MEP1A: variants seen among roughly 807,000 people sequenced by gnomAD.
MEP1A encodes the protein meprin A subunit alpha.
A neutral mutation model predicts 84.5 loss-of-function variants in MEP1A; 68 were observed. The ratio of observed to expected loss-of-function variants is 0.80; its 90% CI spans 0.66 to 0.98. MEP1A has a LOEUF of 0.98. MEP1A is among the 50% of genes least tolerant of loss of function. The probability of loss-of-function intolerance (pLI) is 0.00; values close to 1 mark genes in which losing one functional copy is unlikely to be tolerated. For synonymous variants in MEP1A, 337 were observed against 336.8 expected (o/e 1.00, Z -0.01); for missense variants, 887 against 919.9 (o/e 0.96, Z 0.46).
chr6:46,802,851 T>A (rs1767224627), intron 5 of MEP1A, among the ~76,000 whole-genome samples: 2 of 151,896 alleles, frequency 1.3e-5, no homozygotes, highest in South Asian at 4.1e-4. Context: ...AAATCAACTT[T>A]GCATTTCTCA....
chr6:46,826,160 TAGGTAGGGCTGTGTCTATATATTAG>T (rs1767940055), intron 8 of MEP1A, among the ~76,000 whole-genome samples, 169 bp from the exon 9 acceptor site: 1 of 152,066 alleles, frequency 6.6e-6, no homozygotes, highest in African/African-American at 2.4e-5. Context: ...CTCTGTGAGG[TAGGTAGGGCTGTGTCTATATATTAG>T]CAAGTACTAA....
Position 46,809,513 on chromosome 6 carries a change from A to G in MEP1A, c.356A>G (p.Tyr119Cys), listed in dbSNP as rs201337509. ...AAGCCCTATGAAGGAGAGAGCTCAT[A>G]TATCATATTTCAACAGTTTGATGGG... ...DFKPYEGESSYIIFQQFDGCW... is the reference protein window; with the variant it reads ...DFKPYEGESSCIIFQQFDGCW... Residue 119 changes from tyrosine (Y) to cysteine (C), a missense_variant, in exon 6 of 14, where the codon TAT becomes TGT. Tyr to Cys is a radical substitution (Grantham distance 194, BLOSUM62 -2). Coordinates refer to ENST00000230588, the MANE Select transcript of MEP1A (RefSeq NM_005588.3). 4 of 1,606,622 alleles carry G rather than the reference A, an allele frequency of 2.5e-6. No individual in the cohort carries two copies. Among genetic ancestry groups the G allele is most frequent in the African/African-American group, 1.3e-5 (1 of 74,612 alleles).
At chr6:46,837,978 A>AC (rs1167825807) in intron 13 of MEP1A, among the ~76,000 whole-genome samples, 3 of 147,174 alleles carry the variant, frequency 2.0e-5, no homozygotes, top group South Asian at 4.4e-4. Context: ...TGCAACTTCC[A>AC]CCCCCCGGGT....
chr6:46,845,476 C>T, the MEP1A span, among the ~76,000 whole-genome samples: 14 of 152,286 alleles, frequency 9.2e-5, no homozygotes, highest in South Asian at 4.1e-4. Flanking sequence ...TTTAAGTCAC[C>T]GTTATTTTGA....
intron 10 of MEP1A, among the ~76,000 whole-genome samples, chr6:46,832,139 G>T (rs1170681025): frequency 6.6e-6 from 1 of 152,184 alleles, no homozygotes; most frequent in East Asian, 1.9e-4. Flanking sequence ...AAGGAAAAAA[G>T]ACACTCATCT....
intron 6 of MEP1A, among the ~76,000 whole-genome samples, chr6:46,813,613 GT>G (rs961332690): frequency 7.9e-5 from 12 of 151,328 alleles, no homozygotes; most frequent in African/African-American, 2.2e-4. Flanking sequence ...GAATATCTTG[GT>G]TTTTTTTCAC....
intron 3 of MEP1A, among the ~76,000 whole-genome samples, chr6:46,797,798 CTTTCTTTCTTTCTT>C (rs1562102550): frequency 0.014 from 362 of 26,440 alleles, 3 homozygotes; most frequent in African/African-American, 0.038. Context: ...CTTTCTCTTT[CTTTCTTTCTTTCTT>C]TCTTTCTTTC....
chr6:46,829,321 G>A, intron 9 of MEP1A, 35 bp from the exon 10 acceptor site: 1 of 1,585,720 alleles, frequency 6.3e-7, no homozygotes, highest in Non-Finnish European at 8.6e-7. Context: ...GGTGTGGGAA[G>A]CCAGACGTGT....
At chr6:46,828,610 T>C (rs995464459) in intron 9 of MEP1A, among the ~76,000 whole-genome samples, 3 of 152,340 alleles carry the variant, frequency 2.0e-5, no homozygotes, top group East Asian at 1.9e-4. Context: ...GAATTTTTCA[T>C]TGTGCTTGAC....
At chr6:46,819,203 T>C (rs1185258024) in intron 6 of MEP1A, among the ~76,000 whole-genome samples, 1 of 152,194 alleles carries the variant, frequency 6.6e-6, no homozygotes. Flanking sequence ...GAGTGCCCTG[T>C]GGGTTTGTGG....
chr6:46,835,636 G>T (rs1489867772), intron 13 of MEP1A, 87 bp downstream of exon 13: 8 of 1,390,254 alleles, frequency 5.8e-6, no homozygotes, highest in Non-Finnish European at 8.0e-6. Flanking sequence ...TGTTTGCAGA[G>T]TAGGGCGAAG....
At chr6:46,829,799 G>A (rs1401669283) in intron 10 of MEP1A, among the ~76,000 whole-genome samples, 1 of 152,050 alleles carries the variant, frequency 6.6e-6, no homozygotes, top group Non-Finnish European at 1.5e-5. Flanking sequence ...GGCTTAGGTA[G>A]GGATGAAATA....
At position 46,809,533 on chromosome 6, in the gene MEP1A, G is replaced by T. The variant is rs754034062; in HGVS notation, c.376G>T (p.Asp126Tyr). Residue 126 changes from aspartate to tyrosine, a missense_variant, in exon 6 of 14, where the codon GAT (aspartate) becomes TAT (tyrosine). By Grantham distance (160) the Asp-to-Tyr change is radical (BLOSUM62 -3). Coordinates refer to ENST00000230588, the MANE Select transcript of MEP1A (RefSeq NM_005588.3). ...ESSYIIFQQF[D>Y]GCWSEVGDQH... is the part of the protein sequence containing the mutation. ...CTCATATATCATATTTCAACAGTTT[G>T]ATGGGTTGGTATGAAATTTTACGGA... 4.4e-6 allele frequency: 7 copies of T among 1,587,488 alleles called. No individual in the cohort carries two copies. Among genetic ancestry groups the T allele is most frequent in the Non-Finnish European group, 6.0e-6 (7 of 1,160,616 alleles).
intron 6 of MEP1A, among the ~76,000 whole-genome samples, chr6:46,816,424 T>C (rs1438560318): frequency 1.3e-5 from 2 of 151,592 alleles, no homozygotes; most frequent in Admixed American, 6.6e-5. Flanking sequence ...TGACAATGAG[T>C]GTCCTGGGTT....
intron 9 of MEP1A, among the ~76,000 whole-genome samples, chr6:46,828,732 T>C (rs563941419): frequency 6.6e-6 from 1 of 152,202 alleles, no homozygotes; most frequent in Non-Finnish European, 1.5e-5. Context: ...CTGGCACTAA[T>C]GTAGACACTT....
rs1246136405 is a variant in MEP1A at position 46,838,972 on chromosome 6, T to A, written c.2085-8T>A. Reference sequence around the variant, plus strand: ...TTCCCACACTCCCTTCATGTCCTTTTCCCTCAGGTGCATCTCTGGACATGC... The same window carrying A: ...TTCCCACACTCCCTTCATGTCCTTTACCCTCAGGTGCATCTCTGGACATGC... On this transcript the variant is annotated splice_polypyrimidine_tract_variant and splice_region_variant and intron_variant, in intron 13 of 13. Coordinates refer to ENST00000230588, the MANE Select transcript of MEP1A (RefSeq NM_005588.3). 1 of 1,608,858 alleles carries A rather than the reference T, an allele frequency of 6.2e-7. No individual in the cohort carries two copies. The highest frequency in any genetic ancestry group is 8.5e-7 in the Non-Finnish European group (1 of 1,176,186).
chr6:46,810,555 GA>G (rs1418106479), intron 6 of MEP1A, among the ~76,000 whole-genome samples: 1 of 152,088 alleles, frequency 6.6e-6, no homozygotes, highest in African/African-American at 2.4e-5. Context: ...CCAATGTCTA[GA>G]AGGGTTTTTC....
chr6:46,822,905 T>A (rs1035647151), intron 7 of MEP1A, among the ~76,000 whole-genome samples: 26 of 152,186 alleles, frequency 1.7e-4, no homozygotes, highest in Admixed American at 5.2e-4. Flanking sequence ...GAAAGTGCTT[T>A]GCTTCAGGTG....
chr6:46,839,282 A>G lies in MEP1A; in HGVS notation c.*146A>G. On this transcript the variant is annotated 3_prime_UTR_variant, in exon 14 of 14. Coordinates refer to ENST00000230588, the MANE Select transcript of MEP1A (RefSeq NM_005588.3). ...TCCAGCCCCATGTGTGACCCTTGTCATCTCTCTGCCCCACATAATTCTGTT... is the reference window on the plus strand; with the variant it reads ...TCCAGCCCCATGTGTGACCCTTGTCGTCTCTCTGCCCCACATAATTCTGTT... 1.7e-6 allele frequency: 1 copy of G among 601,304 alleles called. No homozygotes were observed. Among genetic ancestry groups the G allele is most frequent in the East Asian group, 2.9e-5 (1 of 34,762 alleles). The allele number at this position is 601,304 out of a possible 1,614,324, so 37.2% of individuals were successfully genotyped here.
Sources: gnomAD v4.1 joint callset for allele counts (sites outside exome capture counted in the v4.1 genomes callset) on GRCh38, gnomAD v4.1.1 for gene constraint, MANE v1.5 for transcripts, NCBI Gene and HGNC (gene_info 2026-07-23, HGNC 2026-07-21) for gene names.